The following PTPRD variants were observed in gnomAD, a reference collection of about 807,000 sequenced individuals.
The protein encoded by PTPRD is protein tyrosine phosphatase receptor type D, also known as receptor-type tyrosine-protein phosphatase delta.
PTPRD carries 34 observed loss-of-function variants against 214.5 expected under a neutral mutation model. That is an observed-to-expected ratio of 0.16 (90% CI 0.12 to 0.21). The LOEUF is 0.21. PTPRD is among the 10% of genes least tolerant of loss of function. PTPRD has a pLI of 1.00. For synonymous variants in PTPRD, 1,128 were observed against 845.7 expected, an observed-to-expected ratio of 1.33 and a Z score of -5.79; for missense variants, 2,545 against 2,398.7, an observed-to-expected ratio of 1.06 and a Z score of -1.27.
At chr9:10,250,114 T>C (rs1033150345) in intron 3 of PTPRD, among the ~76,000 whole-genome samples, 2 of 152,182 alleles carry the variant, frequency 1.3e-5, no homozygotes, top group Non-Finnish European at 2.9e-5. Context: ...ACTTAGTATG[T>C]ATTATCTGAG....
chr9:10,525,133 A>G (rs905420400), intron 2 of PTPRD, among the ~76,000 whole-genome samples: 1 of 152,076 alleles, frequency 6.6e-6, no homozygotes, highest in African/African-American at 2.4e-5. Flanking sequence ...GAATAAAGTT[A>G]GTACATTTAT....
In PTPRD at chr9:10,187,217, C is replaced by T. The variant is rs140761302; in HGVS notation, c.-544-153427G>A. ...TAACCTTTCTGTCTCTTACAGCATG[C>T]AACACAGCATCGTGTGTGAAATAGG... is the stretch of plus-strand genomic sequence containing the variant. On this transcript the variant is annotated intron_variant, in intron 3 of 45. Transcript: ENST00000381196. Among the ~76,000 whole-genome samples the T allele has an allele frequency of 2.6e-4, 39 of 152,122 alleles. No individual in the cohort carries two copies. The East Asian group carries it at 6.0e-3, about 23-fold the overall frequency.
chr9:10,334,865 T>C (rs2096818054), intron 3 of PTPRD, among the ~76,000 whole-genome samples: 1 of 151,588 alleles, frequency 6.6e-6, no homozygotes, highest in African/African-American at 2.4e-5. Flanking sequence ...GAAAATGAAA[T>C]ACTTTGGCAT....
intron 2 of PTPRD, among the ~76,000 whole-genome samples, chr9:10,530,052 C>T (rs2055707914): frequency 6.6e-6 from 1 of 151,986 alleles, no homozygotes. Context: ...GCACATGTAT[C>T]CCAGAACTTA....
chr9:10,562,406 A>T (rs1156229181), intron 2 of PTPRD, among the ~76,000 whole-genome samples: 1 of 152,022 alleles, frequency 6.6e-6, no homozygotes, highest in Non-Finnish European at 1.5e-5. Flanking sequence ...TCTTTGAGAA[A>T]ACTGTTCTGT....
At chr9:9,551,527 T>C (rs1330684712) in intron 8 of PTPRD, among the ~76,000 whole-genome samples, 1 of 152,010 alleles carries the variant, frequency 6.6e-6, no homozygotes, top group African/African-American at 2.4e-5. Flanking sequence ...ATCTACCTAC[T>C]GGAGTTCTGA....
chr9:9,249,847 A>G (rs1208341891), intron 9 of PTPRD, among the ~76,000 whole-genome samples: 1 of 152,126 alleles, frequency 6.6e-6, no homozygotes, highest in Non-Finnish European at 1.5e-5. Flanking sequence ...AGAAAGGATT[A>G]AATATTCTTT....
intron 11 of PTPRD, among the ~76,000 whole-genome samples, chr9:8,742,300 T>C (rs1474231130): frequency 6.6e-6 from 1 of 152,182 alleles, no homozygotes; most frequent in Non-Finnish European, 1.5e-5. Flanking sequence ...TAGTATACAT[T>C]GAGGAATGAC....
intron 35 of PTPRD, among the ~76,000 whole-genome samples, chr9:8,423,770 G>A (rs1274692795): frequency 1.3e-5 from 2 of 152,056 alleles, no homozygotes; most frequent in Non-Finnish European, 2.9e-5. Flanking sequence ...ACTATCCCCT[G>A]TGAGAGTTAA....
intron 4 of PTPRD, among the ~76,000 whole-genome samples, chr9:9,941,105 G>A (rs932756843): frequency 2.6e-5 from 4 of 152,122 alleles, no homozygotes; most frequent in African/African-American, 9.7e-5. Flanking sequence ...GTTTTCTCAT[G>A]TTTTAAGAAA....
chr9:9,718,727 G>C (rs368836368), intron 7 of PTPRD, among the ~76,000 whole-genome samples: 41 of 152,334 alleles, frequency 2.7e-4, no homozygotes, highest in African/African-American at 9.4e-4. Flanking sequence ...GCCTGTACTT[G>C]GGGGCAGCAC....
intron 12 of PTPRD, among the ~76,000 whole-genome samples, chr9:8,681,081 C>A (rs1470845634): frequency 6.6e-6 from 1 of 152,202 alleles, no homozygotes; most frequent in Non-Finnish European, 1.5e-5. Context: ...TTAGTGCCCT[C>A]AAGTGTCCTC....
intron 5 of PTPRD, among the ~76,000 whole-genome samples, chr9:9,938,304 T>A (rs1342793068): frequency 6.6e-6 from 1 of 152,176 alleles, no homozygotes; most frequent in Non-Finnish European, 1.5e-5. Flanking sequence ...AACTTGAAAT[T>A]AGGTGGATTA....
At chr9:8,880,320 GTTTTTCTGA>G (rs1436736415) in intron 11 of PTPRD, among the ~76,000 whole-genome samples, 2 of 152,120 alleles carry the variant, frequency 1.3e-5, no homozygotes, top group Non-Finnish European at 2.9e-5. Flanking sequence ...TCTCAAGTTG[GTTTTTCTGA>G]GGAAGGCTTC....
At chr9:9,435,919 A>T (rs557733725) in intron 8 of PTPRD, among the ~76,000 whole-genome samples, 36 of 152,306 alleles carry the variant, frequency 2.4e-4, no homozygotes, top group Non-Finnish European at 3.7e-4. Context: ...CACAAAAAGT[A>T]AATAGTGTAT....
intron 5 of PTPRD, among the ~76,000 whole-genome samples, chr9:9,835,666 C>T (rs985458202): frequency 1.3e-5 from 2 of 152,072 alleles, no homozygotes; most frequent in South Asian, 2.1e-4. Flanking sequence ...AATGACAGGA[C>T]AGAAGATGAC....
At chr9:8,667,208 G>C (rs942859601) in intron 12 of PTPRD, among the ~76,000 whole-genome samples, 1 of 152,058 alleles carries the variant, frequency 6.6e-6, no homozygotes, top group Non-Finnish European at 1.5e-5. Flanking sequence ...GCGTTGTGGT[G>C]GGCGCCTGTA....
At position 8,524,914 on chromosome 9, in the gene PTPRD, G is replaced by C. The variant is rs767022057; in HGVS notation, c.679+11C>G. On this transcript the variant is annotated intron_variant, in intron 18 of 45. Transcript: ENST00000381196. ...AATGAAGAAGCGATGCCAGGGTTAT[G>C]TCATTCCTACCTCTGACATATAAAT... The C allele has an allele frequency of 1.9e-5, 30 of 1,610,608 alleles. No individual in the cohort carries two copies. Among genetic ancestry groups the C allele is most frequent in the Non-Finnish European group, 2.4e-5 (28 of 1,177,194 alleles).
chr9:9,587,377 A>G (rs1051146069), intron 7 of PTPRD, among the ~76,000 whole-genome samples: 4 of 152,080 alleles, frequency 2.6e-5, no homozygotes, highest in Admixed American at 2.6e-4. Flanking sequence ...TATTTTATAG[A>G]CAAATTAACT....
Sources: allele counts gnomAD v4.1 joint callset (sites outside exome capture counted in the v4.1 genomes callset), GRCh38; gene constraint gnomAD v4.1.1; transcripts MANE v1.5; gene names NCBI Gene and HGNC (gene_info 2026-07-23, HGNC 2026-07-21).